The following POLRMT variants were observed in gnomAD, a reference collection of about 807,000 sequenced individuals.
POLRMT encodes RNA polymerase mitochondrial.
A neutral mutation model predicts 132.2 loss-of-function variants in POLRMT; 114 were observed. That is an observed-to-expected ratio of 0.86 (90% CI 0.74 to 1.01). The LOEUF is 1.01. Among genes scored for constraint, POLRMT ranks in the 50% least tolerant of loss-of-function variants. The pLI is 0.00. For synonymous variants in POLRMT, 1,020 were observed against 773.4 expected (o/e 1.32, Z -5.29); for missense variants, 2,003 against 1,729.1 (o/e 1.16, Z -2.81).
chr19:622,106 C>G, intron 9 of POLRMT, 43 bp downstream of exon 9: 1 of 1,492,026 alleles, frequency 6.7e-7, no homozygotes, highest in South Asian at 1.3e-5. Flanking sequence ...CCCTGGTCCT[C>G]CCAGCGGGAT....
intron 2 of POLRMT, among the ~76,000 whole-genome samples, 199 bp from the exon 3 acceptor site, chr19:630,367 C>A (rs900419850): frequency 1.3e-5 from 2 of 152,188 alleles, no homozygotes; most frequent in Non-Finnish European, 2.9e-5. Context: ...CACCTCCGCA[C>A]CTCCCCACCC....
intron 3 of POLRMT, among the ~76,000 whole-genome samples, chr19:628,139 T>C (rs1568174634): frequency 6.6e-6 from 1 of 152,190 alleles, no homozygotes; most frequent in Non-Finnish European, 1.5e-5. Flanking sequence ...GGGCCCCTGC[T>C]AGAGCCTCTG....
intron 2 of POLRMT, among the ~76,000 whole-genome samples, chr19:631,021 T>G (rs981284639): frequency 7.3e-5 from 11 of 151,328 alleles, no homozygotes; most frequent in Non-Finnish European, 1.6e-4. Context: ...TAGCTGGGCG[T>G]GGTGGCATGT....
rs1984390125 is a variant in POLRMT, at chr19:620,061, A to G, written c.2783T>C (p.Leu928Pro). The G allele has an allele frequency of 1.3e-6, 2 of 1,545,878 alleles. No individual in the cohort carries two copies. The highest frequency in any genetic ancestry group is 8.7e-7 in the Non-Finnish European group (1 of 1,150,544). Residue 928 changes from leucine (L) to proline (P), a missense_variant, in exon 12 of 21, where the codon CTG becomes CCG. By Grantham distance (98) the Leu-to-Pro change is moderately conservative (BLOSUM62 -3). Transcript: ENST00000588649. ...GCGGCCCAGAGCAGCATAATGCTGC[A>G]GGCCGTTGCAAGAGCCGTCCTGAGG... ...PVHQDGSCNGLQHYAALGRDS... is the reference protein window; with the variant it reads ...PVHQDGSCNGPQHYAALGRDS...
chr19:621,616 G>C lies in POLRMT; in HGVS notation c.2082C>G (p.Gly694=). 2 of 1,515,966 alleles carry C rather than the reference G, an allele frequency of 1.3e-6. No homozygotes were observed. The highest frequency in any genetic ancestry group is 1.8e-6 in the Non-Finnish European group (2 of 1,134,248). The allele number at this position is 1,515,966 out of a possible 1,614,324, so 93.9% of individuals were successfully genotyped here. ...LETCPPTALH[G]ALDALTQLGN... is the part of the protein sequence containing the mutation. ...CCAGTTGGGTGAGGGCGTCCAGTGC[G>C]CCATGCAGCGCGGTGGGCGGGCAGG... is the stretch of plus-strand genomic sequence containing the variant. Residue 694 remains glycine, a synonymous_variant, in exon 10 of 21, where the codon GGC becomes GGG. Transcript: ENST00000588649.
chr19:622,153 T>C lies in POLRMT; in HGVS notation c.1847A>G (p.Gln616Arg). The change falls in exon 9 of 21, where the codon CAG (glutamine) becomes CGG (arginine). Residue 616 changes from glutamine to arginine, a missense_variant. By Grantham distance (43) the Gln-to-Arg change is conservative (BLOSUM62 1). Transcript: ENST00000588649. ...CAGGAGGGCACTGCCTGGCACCTGC[T>C]GGACGTTGCGGAAGGAATACACGTG... ...LYHVYSFRNVQQIGILKPHPA... is the reference protein window; with the variant it reads ...LYHVYSFRNVRQIGILKPHPA... 1 of 1,553,936 alleles carries C rather than the reference T, an allele frequency of 6.4e-7. No homozygotes were observed. Among genetic ancestry groups the C allele is most frequent in the Non-Finnish European group, 8.7e-7 (1 of 1,152,604 alleles).
At chr19:627,616 T>A (rs898294162) in intron 3 of POLRMT, among the ~76,000 whole-genome samples, 8 of 151,972 alleles carry the variant, frequency 5.3e-5, no homozygotes, top group African/African-American at 1.9e-4. Flanking sequence ...TAGAAAGTTC[T>A]ACTGGATGGT....
At chr19:632,619 G>C (rs1985505567) in intron 2 of POLRMT, among the ~76,000 whole-genome samples, 1 of 152,264 alleles carries the variant, frequency 6.6e-6, no homozygotes, top group South Asian at 2.1e-4. Flanking sequence ...TTCTGGGGAG[G>C]GGGAATTACG....
chr19:632,121 TG>T (rs900936998), intron 2 of POLRMT, among the ~76,000 whole-genome samples: 20 of 148,692 alleles, frequency 1.3e-4, no homozygotes, highest in Non-Finnish European at 2.4e-4. Flanking sequence ...CCAAAAGTGC[TG>T]GGAGTACAGG....
intron 11 of POLRMT, 25 bp downstream of exon 11, chr19:620,339 TC>T: frequency 6.5e-7 from 1 of 1,548,986 alleles, no homozygotes. Context: ...CTGCACGGCC[TC>T]GGGGGCCAGA....
intron 2 of POLRMT, among the ~76,000 whole-genome samples, chr19:632,006 C>G (rs928256787): frequency 9.9e-5 from 15 of 152,078 alleles, no homozygotes; most frequent in African/African-American, 3.6e-4. Context: ...AACTCATGAC[C>G]TCTTGATCCG....
In POLRMT at chr19:621,368, G is replaced by A. The variant is rs759534390; in HGVS notation, c.2330C>T (p.Ala777Val). 5.1e-6 allele frequency: 8 copies of A among 1,560,594 alleles called. No homozygotes were observed. The highest frequency in any genetic ancestry group is 2.3e-5 in the East Asian group (1 of 42,944). ...CAGCGAGAGGCGGTACAGCGCCTCC[G>A]CCCGCAGGCTGTGCATCTCCCGGGC... is the stretch of plus-strand genomic sequence containing the variant. ...KVAREMHSLR[A>V]EALYRLSLAQ... Residue 777 changes from alanine to valine, a missense_variant, in exon 10 of 21, where the codon GCG becomes GTG. By Grantham distance (64) the Ala-to-Val change is moderately conservative. Transcript: ENST00000588649.
chr19:620,521 C>A (rs546616967), intron 10 of POLRMT, 34 bp from the exon 11 acceptor site: 1 of 1,509,016 alleles, frequency 6.6e-7, no homozygotes, highest in East Asian at 2.4e-5. Context: ...CAGTGAGGCC[C>A]GGGCCCGATC....
At chr19:630,504 C>G (rs1314481107) in intron 2 of POLRMT, among the ~76,000 whole-genome samples, 1 of 152,128 alleles carries the variant, frequency 6.6e-6, no homozygotes, top group Non-Finnish European at 1.5e-5. Flanking sequence ...GTGACAACTC[C>G]CTCCGTCCAC....
At chr19:625,868 A>G (rs1984984196) in intron 3 of POLRMT, among the ~76,000 whole-genome samples, 1 of 151,794 alleles carries the variant, frequency 6.6e-6, no homozygotes. Flanking sequence ...ACACCAGCTA[A>G]TTTTTTGTAT....
Position 619,572 on chromosome 19 carries a change from C to T in POLRMT, c.3066+14G>A, listed in dbSNP as rs770505019. 6.2e-7 allele frequency: 1 copy of T among 1,611,536 alleles called. No individual in the cohort carries two copies. The highest frequency in any genetic ancestry group is 8.5e-7 in the Non-Finnish European group (1 of 1,179,534). ...TGAAACCAACGTGTTCGCAGCGCGA[C>T]ATGCCTGGCGCACCTGGGGAAAGTC... is the stretch of plus-strand genomic sequence containing the variant. On this transcript the variant is annotated intron_variant, in intron 13 of 20. Coordinates refer to ENST00000588649, the MANE Select transcript of POLRMT (RefSeq NM_005035.4).
intron 1 of POLRMT, 45 bp from the exon 2 acceptor site, chr19:632,983 C>CG: frequency 7.3e-7 from 1 of 1,365,538 alleles, no homozygotes; most frequent in Non-Finnish European, 9.7e-7. Flanking sequence ...GGCGTGTGGG[C>CG]GGGGGCCTCC....
chr19:622,779 C>A (rs1353120285), intron 7 of POLRMT, 27 bp from the exon 8 acceptor site: 7 of 1,564,648 alleles, frequency 4.5e-6, no homozygotes, highest in East Asian at 2.4e-5. Flanking sequence ...TGAGTGCCTG[C>A]CCGCCCCGCC....
intron 17 of POLRMT, 136 bp from the exon 18 acceptor site, chr19:617,985 C>G: frequency 1.4e-6 from 1 of 704,626 alleles, no homozygotes; most frequent in Non-Finnish European, 2.4e-6. Context: ...CGCCCCACCC[C>G]TCGCCCCGCC....
Sources: allele counts gnomAD v4.1 joint callset (sites outside exome capture counted in the v4.1 genomes callset), GRCh38; gene constraint gnomAD v4.1.1; transcripts MANE v1.5; gene names NCBI Gene and HGNC (gene_info 2026-07-23, HGNC 2026-07-21).